SYNE2: variants seen among roughly 807,000 people sequenced by gnomAD.
SYNE2 encodes nesprin-2.
A neutral mutation model predicts 856.3 loss-of-function variants in SYNE2; 431 were observed. That is an observed-to-expected ratio of 0.50 (90% CI 0.47 to 0.55). SYNE2 has a LOEUF of 0.55. SYNE2 is among the 20% of genes least tolerant of loss of function. The pLI, the probability that SYNE2 is intolerant of heterozygous loss-of-function variation, is 0.00. For missense variants in SYNE2, 8,129 were observed against 8,023.2 expected (o/e 1.01, Z -0.50); for synonymous variants, 2,923 against 2,872.3 (o/e 1.02, Z -0.56).
intron 84 of SYNE2, among the ~76,000 whole-genome samples, chr14:64,148,587 C>T (rs527995126): frequency 1.1e-3 from 165 of 152,268 alleles, no homozygotes; most frequent in African/African-American, 3.9e-3. Context: ...AATCAAAGCA[C>T]CCTGACCCCC....
chr14:64,209,788 C>A (rs1310666744), intron 102 of SYNE2, 154 bp from the exon 103 acceptor site: 3 of 1,173,454 alleles, frequency 2.6e-6, no homozygotes, highest in Non-Finnish European at 3.7e-6. Flanking sequence ...AAAGCCTGTT[C>A]TGTAGCTGGC....
chr14:63,940,070 ATTTTTTTTT>A (rs10666086), intron 2 of SYNE2, among the ~76,000 whole-genome samples: 1 of 129,400 alleles, frequency 7.7e-6, no homozygotes, highest in Non-Finnish European at 1.6e-5. Flanking sequence ...GTCTCAGTTC[ATTTTTTTTT>A]TTTTTTTTTC....
intron 96 of SYNE2, among the ~76,000 whole-genome samples, chr14:64,178,222 A>G (rs1244622094): frequency 6.6e-6 from 1 of 152,196 alleles, no homozygotes; most frequent in Non-Finnish European, 1.5e-5. Flanking sequence ...CTTTCTCCCT[A>G]CATCTTTTTT....
intron 1 of SYNE2, chr14:63,762,144 TA>T: frequency 2.6e-6 from 1 of 377,646 alleles, no homozygotes; most frequent in Non-Finnish European, 5.5e-6. Flanking sequence ...GAAAGCAAGT[TA>T]AAGTGGCCAG....
Position 64,223,188 on chromosome 14 carries a change from G to C in SYNE2, c.20191-1G>C. ...GTTTCACACACTTTATCTGTTTTCA[G>C]CAACTGGAAAAGGAGCTGGTAGAAC... On this transcript the variant is annotated splice_acceptor_variant, in intron 112 of 115. Coordinates refer to ENST00000555002, the MANE Select transcript of SYNE2 (RefSeq NM_182914.3). LOFTEE classifies it high-confidence loss of function. 6.2e-7 allele frequency: 1 copy of C among 1,613,538 alleles called. No homozygotes were observed. Among genetic ancestry groups the C allele is most frequent in the Non-Finnish European group, 8.5e-7 (1 of 1,179,792 alleles).
chr14:64,146,314 G>A (rs2098186899), intron 84 of SYNE2, 91 bp downstream of exon 84: 2 of 1,212,316 alleles, frequency 1.6e-6, no homozygotes, highest in African/African-American at 3.1e-5. Flanking sequence ...GTAGTTTGTG[G>A]AAACTCTCTT....
At chr14:63,780,487 T>G (rs1365708803) in intron 1 of SYNE2, among the ~76,000 whole-genome samples, 1 of 152,098 alleles carries the variant, frequency 6.6e-6, no homozygotes, top group Non-Finnish European at 1.5e-5. Context: ...TGAGCCGAGA[T>G]CATGCCACTG....
At chr14:64,041,375 A>G (rs563363031) in intron 45 of SYNE2, among the ~76,000 whole-genome samples, 1 of 152,330 alleles carries the variant, frequency 6.6e-6, no homozygotes, top group Non-Finnish European at 1.5e-5. Flanking sequence ...AAAAGACATC[A>G]TACACAAAAT....
chr14:64,122,351 G>C lies in SYNE2; in HGVS notation c.13346G>C (p.Gly4449Ala), dbSNP rs753824979. Reference protein sequence around the residue: ...DSILSPQGQNGDKWQYLHHEL... With the variant: ...DSILSPQGQNADKWQYLHHEL... ...ATCTTGTCACCCCAGGGCCAAAATG[G>C]AGATAAGTGGCAATATCTGCATCAT... is the stretch of plus-strand genomic sequence containing the variant. The change falls in exon 70 of 116, where the codon GGA becomes GCA. Residue 4449 changes from glycine to alanine, a missense_variant. By Grantham distance (60) the Gly-to-Ala change is moderately conservative (BLOSUM62 0). Transcript: ENST00000555002. 29 of 1,614,044 alleles carry C rather than the reference G, an allele frequency of 1.8e-5. 1 individual carries two copies. The South Asian group carries it at 3.2e-4, about 18-fold the overall frequency.
intron 84 of SYNE2, among the ~76,000 whole-genome samples, chr14:64,149,384 G>C (rs73263961): frequency 1.4e-3 from 214 of 152,306 alleles, no homozygotes; most frequent in African/African-American, 4.9e-3. Flanking sequence ...AGGGCAGAAT[G>C]CTTCAGTTCA....
At chr14:63,965,985 T>G (rs1736763481) in intron 10 of SYNE2, among the ~76,000 whole-genome samples, 1 of 152,206 alleles carries the variant, frequency 6.6e-6, no homozygotes, top group Non-Finnish European at 1.5e-5. Context: ...AAGTCATTAA[T>G]TATCAGAATT....
intron 1 of SYNE2, among the ~76,000 whole-genome samples, chr14:63,827,644 A>AAC (rs1889496011): frequency 6.7e-6 from 1 of 149,240 alleles, no homozygotes; most frequent in Non-Finnish European, 1.5e-5. Flanking sequence ...AAAAAAAAAA[A>AAC]AAAAAAAAAA....
At chr14:64,133,330 A>G (rs1462182954) in intron 77 of SYNE2, among the ~76,000 whole-genome samples, 2 of 152,058 alleles carry the variant, frequency 1.3e-5, no homozygotes, top group African/African-American at 4.8e-5. Flanking sequence ...ATGTCATGGT[A>G]TTTTTTAAAA....
chr14:64,025,271 A>G lies in SYNE2; in HGVS notation c.6102A>G (p.Glu2034=). ...TLLRQLSEIE[E]EDKLLPTEDQ... is the part of the protein sequence containing the mutation. ...TGAGACAACTAAGTGAAATCGAGGA[A>G]GAGGATAAGTTACTACCCACAGAGG... is the stretch of plus-strand genomic sequence containing the variant. The change falls in exon 41 of 116, where the codon GAA becomes GAG. Residue 2034 remains glutamate (E), a synonymous_variant. Transcript: ENST00000555002. 1 of 1,614,160 alleles carries G rather than the reference A, an allele frequency of 6.2e-7. No homozygotes were observed. The highest frequency in any genetic ancestry group is 8.5e-7 in the Non-Finnish European group (1 of 1,180,002).
chr14:64,122,425 CAG>C lies in SYNE2; in HGVS notation c.13421_13422del (p.Gln4474ArgfsTer15). On this transcript the variant is annotated frameshift_variant and splice_region_variant, in exon 70 of 116. Transcript: ENST00000555002. LOFTEE classifies it high-confidence loss of function. ...KLPLPQLVEP[Q>X]VSTNMGILPS... ...CCCACTCCCTCAGCTTGTGGAGCCT[CAG>C]GTCAGTCTGTATCTACATGGTGCAA... 1 of 1,614,214 alleles carries C rather than the reference CAG, an allele frequency of 6.2e-7. No individual in the cohort carries two copies. The highest frequency in any genetic ancestry group is 2.2e-5 in the East Asian group (1 of 44,872).
intron 55 of SYNE2, 77 bp downstream of exon 55, chr14:64,078,683 G>A: frequency 1.3e-6 from 2 of 1,557,334 alleles, no homozygotes; most frequent in Non-Finnish European, 1.8e-6. Context: ...TCACCACAGG[G>A]TGAGTTCTTT....
intron 2 of SYNE2, among the ~76,000 whole-genome samples, chr14:63,923,021 A>G (rs986758121): frequency 6.6e-6 from 1 of 152,230 alleles, no homozygotes; most frequent in Non-Finnish European, 1.5e-5. Flanking sequence ...TGATTTTTCA[A>G]AAGAAAAGTG....
At chr14:63,814,993 CATCCATATAT>C (rs1244585856) in intron 1 of SYNE2, among the ~76,000 whole-genome samples, 1 of 57,168 alleles carries the variant, frequency 1.7e-5, no homozygotes, top group Non-Finnish European at 4.2e-5. Context: ...TCCATATATA[CATCCATATAT>C]ATCCATATAT....
chr14:64,203,576 G>A (rs955709331), intron 100 of SYNE2, among the ~76,000 whole-genome samples: 1 of 152,200 alleles, frequency 6.6e-6, no homozygotes, highest in Non-Finnish European at 1.5e-5. Flanking sequence ...GATGTCACTG[G>A]TTTATCGAAT....
Sources: gnomAD v4.1 joint callset for allele counts (sites outside exome capture counted in the v4.1 genomes callset) on GRCh38, gnomAD v4.1.1 for gene constraint, MANE v1.5 for transcripts, NCBI Gene and HGNC (gene_info 2026-07-23, HGNC 2026-07-21) for gene names.